Variants in EPHA6 observed in about 807,000 individuals in gnomAD.
EPHA6 encodes ephrin type-A receptor 6.
In EPHA6, 50 loss-of-function variants were observed where a neutral mutation model predicts 112.0. That is an observed-to-expected ratio of 0.45 (90% confidence interval 0.36 to 0.56). EPHA6 has a LOEUF of 0.56. Among genes scored for constraint, EPHA6 ranks in the 20% least tolerant of loss-of-function variants. The probability of loss-of-function intolerance (pLI) is 0.00; values close to 1 mark genes in which losing one functional copy is unlikely to be tolerated. For synonymous variants in EPHA6, 529 were observed against 490.7 expected (o/e 1.08, Z -1.03); for missense variants, 1,280 against 1,417.4 (o/e 0.90, Z 1.56).
At chr3:97,429,390 TACCAAATA>T (rs2089360093) in intron 6 of EPHA6, among the ~76,000 whole-genome samples, 1 of 151,820 alleles carries the variant, frequency 6.6e-6, no homozygotes, top group South Asian at 2.1e-4. Context: ...AAATTTCTTT[TACCAAATA>T]ATCTTACCAT....
rs545547608 is a variant in EPHA6 at position 96,929,018 on chromosome 3, G to T, written c.451-58312G>T. 8.5e-5 allele frequency among the ~76,000 whole-genome samples: 13 copies of T among 152,210 alleles called. No homozygotes were observed. In the South Asian group the frequency reaches 2.5e-3, roughly 29 times the overall value. The stretch of plus-strand genomic sequence containing the variant: ...TTTGAGCCTTTGTGTGTCTTTGCAT[G>T]TGAGATGAGTCTCTTGAAGACAACA... On this transcript the variant is annotated intron_variant, in intron 2 of 17. Coordinates refer to ENST00000389672, the MANE Select transcript of EPHA6 (RefSeq NM_001080448.3).
At chr3:97,548,791 G>T (rs1308704683) in intron 11 of EPHA6, among the ~76,000 whole-genome samples, 2 of 152,298 alleles carry the variant, frequency 1.3e-5, no homozygotes, top group South Asian at 2.1e-4. Flanking sequence ...CAGTTTGAGT[G>T]ATTATTGATA....
chr3:96,913,989 G>T (rs1053516252), intron 2 of EPHA6, among the ~76,000 whole-genome samples: 1 of 152,092 alleles, frequency 6.6e-6, no homozygotes, highest in Admixed American at 6.6e-5. Context: ...AGCAAAGTTT[G>T]TAGTGGAGAT....
chr3:97,308,370 A>C (rs1228790069), intron 5 of EPHA6, among the ~76,000 whole-genome samples: 1 of 151,728 alleles, frequency 6.6e-6, no homozygotes, highest in African/African-American at 2.4e-5. Flanking sequence ...TCAACATAGC[A>C]AGCAAGTTTC....
intron 6 of EPHA6, among the ~76,000 whole-genome samples, chr3:97,441,843 C>T (rs2090148642): frequency 6.6e-6 from 1 of 151,980 alleles, no homozygotes; most frequent in South Asian, 2.1e-4. Context: ...AGTTAATTCT[C>T]TCGGAGTTTC....
chr3:96,966,425 C>T (rs957361305), intron 2 of EPHA6, among the ~76,000 whole-genome samples: 10 of 151,938 alleles, frequency 6.6e-5, no homozygotes, highest in South Asian at 2.1e-4. Flanking sequence ...AGCCAAGAGA[C>T]GATGACTTAA....
intron 1 of EPHA6, among the ~76,000 whole-genome samples, chr3:96,844,080 C>A (rs1209807280): frequency 1.3e-5 from 2 of 151,900 alleles, no homozygotes; most frequent in South Asian, 4.1e-4. Context: ...AGTAGGTTTA[C>A]TTAGTAGAAA....
At chr3:97,392,058 C>T (rs796542157) in intron 5 of EPHA6, among the ~76,000 whole-genome samples, 5 of 151,934 alleles carry the variant, frequency 3.3e-5, no homozygotes, top group African/African-American at 1.2e-4. Flanking sequence ...GCTGCCACCG[C>T]AATTTTGTGT....
At chr3:97,485,426 T>G (rs2091675829) in intron 10 of EPHA6, among the ~76,000 whole-genome samples, 1 of 152,186 alleles carries the variant, frequency 6.6e-6, no homozygotes, top group African/African-American at 2.4e-5. Context: ...TAATCCTGTT[T>G]CCCGGGTACA....
intron 2 of EPHA6, among the ~76,000 whole-genome samples, chr3:96,954,712 A>C (rs1463321766): frequency 6.6e-6 from 1 of 151,602 alleles, no homozygotes; most frequent in East Asian, 1.9e-4. Flanking sequence ...TTTCCAAACA[A>C]GCTATAACCA....
chr3:96,971,757 A>C (rs1444480389), intron 2 of EPHA6, among the ~76,000 whole-genome samples: 1 of 152,160 alleles, frequency 6.6e-6, no homozygotes, highest in African/African-American at 2.4e-5. Flanking sequence ...GGCTTATGCA[A>C]GGTAAGATGA....
intron 10 of EPHA6, among the ~76,000 whole-genome samples, chr3:97,506,001 G>A (rs756415700): frequency 1.1e-4 from 16 of 151,972 alleles, no homozygotes; most frequent in Non-Finnish European, 1.9e-4. Context: ...AGAAGTGTCT[G>A]TTCATATCCT....
intron 5 of EPHA6, among the ~76,000 whole-genome samples, chr3:97,365,530 C>T (rs369859249): frequency 2.9e-4 from 44 of 152,052 alleles, no homozygotes; most frequent in East Asian, 1.2e-3. Context: ...AGCTGGCACA[C>T]GCCACCACAC....
chr3:97,697,092 G>A (rs2033091950), intron 14 of EPHA6, among the ~76,000 whole-genome samples: 1 of 152,146 alleles, frequency 6.6e-6, no homozygotes, highest in African/African-American at 2.4e-5. Context: ...ATCAGTGAAT[G>A]AAATTTCTCC....
At chr3:97,659,353 C>T (rs938388919) in intron 14 of EPHA6, among the ~76,000 whole-genome samples, 2 of 151,942 alleles carry the variant, frequency 1.3e-5, no homozygotes, top group African/African-American at 2.4e-5. Flanking sequence ...GCAGGCTTTT[C>T]GGTGACATTT....
chr3:96,888,424 G>T (rs1447895441), intron 2 of EPHA6, among the ~76,000 whole-genome samples: 1 of 152,130 alleles, frequency 6.6e-6, no homozygotes, highest in African/African-American at 2.4e-5. Flanking sequence ...GGGGTCACCT[G>T]GGTCCTGCAG....
In EPHA6 at chr3:97,754,291, T is replaced by C. The variant is rs1264512889; in HGVS notation, c.*5590T>C. Among the ~76,000 whole-genome samples, 1 of 152,022 alleles carries C rather than the reference T, an allele frequency of 6.6e-6. No homozygotes were observed. The highest frequency in any genetic ancestry group is 1.5e-5 in the Non-Finnish European group (1 of 67,978). On this transcript the variant is annotated 3_prime_UTR_variant, in exon 18 of 18. Transcript: ENST00000389672. ...TTAGTAGAGACGGGATTTCTCCATG[T>C]TGGTTAGGCTGGTCTCGAACTCCCG...
chr3:96,885,612 C>T (rs2037576722), intron 2 of EPHA6, among the ~76,000 whole-genome samples: 1 of 151,986 alleles, frequency 6.6e-6, no homozygotes, highest in Non-Finnish European at 1.5e-5. Flanking sequence ...TGGATTTTCT[C>T]TCTTCTTTTC....
intron 4 of EPHA6, among the ~76,000 whole-genome samples, chr3:97,243,607 A>C (rs931788289): frequency 3.3e-5 from 5 of 151,928 alleles, no homozygotes; most frequent in African/African-American, 4.8e-5. Context: ...ATAATTAATA[A>C]GATGTAATTA....
Sources: gnomAD v4.1 joint callset for allele counts (sites outside exome capture counted in the v4.1 genomes callset) on GRCh38, gnomAD v4.1.1 for gene constraint, MANE v1.5 for transcripts, NCBI Gene and HGNC (gene_info 2026-07-23, HGNC 2026-07-21) for gene names.